The following NTNG1 variants were observed in gnomAD, a reference collection of about 807,000 sequenced individuals.
NTNG1 encodes netrin-G1.
In NTNG1, 16 loss-of-function variants were observed where a neutral mutation model predicts 54.0. The observed-to-expected ratio is 0.30, with a 90% confidence interval of 0.20 to 0.45. NTNG1 has a LOEUF of 0.45. Among genes scored for constraint, NTNG1 ranks in the 20% least tolerant of loss-of-function variants. The pLI, the probability that NTNG1 is intolerant of heterozygous loss-of-function variation, is 1.00. For missense variants in NTNG1, 530 were observed against 678.7 expected (o/e 0.78, Z 2.43); for synonymous variants, 255 against 263.1 (o/e 0.97, Z 0.30).
intron 2 of NTNG1, among the ~76,000 whole-genome samples, chr1:107,289,207 C>A: frequency 6.6e-6 from 1 of 152,092 alleles, no homozygotes; most frequent in East Asian, 1.9e-4. Flanking sequence ...ACGGTCTGGG[C>A]TGATCCACTC....
intron 3 of NTNG1, among the ~76,000 whole-genome samples, chr1:107,341,270 A>G (rs1668881729): frequency 6.6e-6 from 1 of 152,010 alleles, no homozygotes; most frequent in Non-Finnish European, 1.5e-5. Flanking sequence ...TGATGGACCG[A>G]GTTTATATTA....
chr1:107,349,600 A>G (rs949738776), intron 3 of NTNG1, among the ~76,000 whole-genome samples: 1 of 152,156 alleles, frequency 6.6e-6, no homozygotes, highest in African/African-American at 2.4e-5. Flanking sequence ...ACTCACATCT[A>G]GGATAACCAT....
chr1:107,271,646 A>G (rs1034423498), intron 2 of NTNG1, among the ~76,000 whole-genome samples: 11 of 152,202 alleles, frequency 7.2e-5, no homozygotes, highest in African/African-American at 2.7e-4. Context: ...TACTTCATTA[A>G]AAATAGATAT....
intron 2 of NTNG1, among the ~76,000 whole-genome samples, chr1:107,159,234 T>C (rs1361487933): frequency 6.6e-6 from 1 of 152,162 alleles, no homozygotes; most frequent in East Asian, 1.9e-4. Flanking sequence ...TTTCAAAGTT[T>C]AGAAAGACTA....
chr1:107,336,099 A>C (rs1056466655), intron 3 of NTNG1, among the ~76,000 whole-genome samples: 3 of 151,884 alleles, frequency 2.0e-5, no homozygotes, highest in African/African-American at 7.2e-5. Context: ...TTCATATAGA[A>C]TTTTAAGGGA....
At chr1:107,173,209 T>G (rs1434925675) in intron 2 of NTNG1, among the ~76,000 whole-genome samples, 1 of 152,218 alleles carries the variant, frequency 6.6e-6, no homozygotes, top group Non-Finnish European at 1.5e-5. Context: ...TGTTGCTGTT[T>G]AACGCATCTT....
intron 2 of NTNG1, among the ~76,000 whole-genome samples, chr1:107,154,589 C>T (rs1180396254): frequency 8.9e-6 from 1 of 112,282 alleles, no homozygotes; most frequent in Non-Finnish European, 1.7e-5. Flanking sequence ...AAGCAAGACC[C>T]TGTCTCAAAA....
chr1:107,154,595 CAAAAAAAAAAA>C (rs59619310), intron 2 of NTNG1, among the ~76,000 whole-genome samples: 6 of 47,752 alleles, frequency 1.3e-4, no homozygotes, highest in South Asian at 2.2e-3. Context: ...GACCCTGTCT[CAAAAAAAAAAA>C]AAAAAAAAAA....
chr1:107,362,114 A>G (rs189365712), intron 3 of NTNG1, among the ~76,000 whole-genome samples: 1 of 152,246 alleles, frequency 6.6e-6, no homozygotes, highest in East Asian at 1.9e-4. Context: ...AAGAGCACCC[A>G]TCCCTGAAAC....
intron 7 of NTNG1, among the ~76,000 whole-genome samples, chr1:107,443,125 C>G (rs1004630444): frequency 6.6e-6 from 1 of 152,084 alleles, no homozygotes; most frequent in African/African-American, 2.4e-5. Context: ...GCTTTAACGT[C>G]AGACCACACT....
intron 5 of NTNG1, among the ~76,000 whole-genome samples, chr1:107,424,062 G>A (rs1402709420): frequency 6.6e-6 from 1 of 151,984 alleles, no homozygotes; most frequent in African/African-American, 2.4e-5. Context: ...CACTCAGAGA[G>A]GGAGAAATTA....
chr1:107,410,649 T>C (rs1403670244), intron 5 of NTNG1: 6 of 152,292 alleles, frequency 3.9e-5, no homozygotes, highest in Admixed American at 3.9e-4. Context: ...TTGCATTTTT[T>C]AATAAAGTGT....
chr1:107,377,304 C>T (rs1330412781), intron 3 of NTNG1, among the ~76,000 whole-genome samples: 2 of 152,088 alleles, frequency 1.3e-5, no homozygotes, highest in Non-Finnish European at 2.9e-5. Context: ...ATCTCAGTCA[C>T]CACCACACCT....
chr1:107,369,071 A>G (rs1670764075), intron 3 of NTNG1, among the ~76,000 whole-genome samples: 1 of 152,106 alleles, frequency 6.6e-6, no homozygotes, highest in Non-Finnish European at 1.5e-5. Context: ...TTTATTCAAC[A>G]TAATTATTTT....
chr1:107,308,098 C>T, intron 2 of NTNG1, among the ~76,000 whole-genome samples: 1 of 151,956 alleles, frequency 6.6e-6, no homozygotes, highest in East Asian at 1.9e-4. Flanking sequence ...AATATTCTCT[C>T]CCATTCTGTA....
intron 2 of NTNG1, among the ~76,000 whole-genome samples, chr1:107,209,236 A>G (rs547373258): frequency 6.6e-6 from 1 of 152,054 alleles, no homozygotes; most frequent in Non-Finnish European, 1.5e-5. Flanking sequence ...CAATGTGGTA[A>G]TTACACTATG....
intron 3 of NTNG1, among the ~76,000 whole-genome samples, chr1:107,347,913 C>T (rs988600035): frequency 6.6e-6 from 1 of 151,898 alleles, no homozygotes; most frequent in South Asian, 2.1e-4. Context: ...GAAAATTAGC[C>T]CCATGATCCA....
chr1:107,189,572 C>T (rs1362899012), intron 2 of NTNG1, among the ~76,000 whole-genome samples: 1 of 151,728 alleles, frequency 6.6e-6, no homozygotes, highest in Admixed American at 6.6e-5. Context: ...ATTTCTTTCT[C>T]TAGAATTTGA....
At chr1:107,425,485 C>T (rs191165735) in intron 5 of NTNG1, among the ~76,000 whole-genome samples, 7 of 152,206 alleles carry the variant, frequency 4.6e-5, no homozygotes, top group Admixed American at 4.6e-4. Flanking sequence ...CCTGCAGCTC[C>T]ATCCATGTTG....
Sources: gnomAD v4.1 joint callset for allele counts (sites outside exome capture counted in the v4.1 genomes callset) on GRCh38, gnomAD v4.1.1 for gene constraint, MANE v1.5 for transcripts, NCBI Gene and HGNC (gene_info 2026-07-23, HGNC 2026-07-21) for gene names.